Variants in CEP112 observed in about 807,000 individuals in gnomAD.
CEP112 encodes centrosomal protein of 112 kDa.
A neutral mutation model predicts 153.0 loss-of-function variants in CEP112; 127 were observed. That is an observed-to-expected ratio of 0.83 (90% CI 0.72 to 0.96). CEP112 has a LOEUF of 0.96. Ranked by LOEUF, CEP112 falls within the 40% of genes least tolerant of loss-of-function variation. The pLI, the probability that CEP112 is intolerant of heterozygous loss-of-function variation, is 0.00. For synonymous variants in CEP112, 358 were observed against 374.4 expected (o/e 0.96, Z 0.51); for missense variants, 1,089 against 1,101.2 (o/e 0.99, Z 0.16).
intron 4 of CEP112, among the ~76,000 whole-genome samples, chr17:66,170,576 C>G (rs779386744): frequency 4.6e-5 from 7 of 151,860 alleles, no homozygotes; most frequent in Non-Finnish European, 8.8e-5. Context: ...ACCAGCCTGG[C>G]CAACATGGTG....
chr17:66,062,984 T>C lies in CEP112; in HGVS notation c.1053A>G (p.Leu351=). The change falls in exon 11 of 27, where the codon CTA becomes CTG. Residue 351 remains leucine (L), a synonymous_variant. Transcript: ENST00000535342. ...TTACCTTTTTTTCCCAGTCATTATT[T>C]AGAGATTCCGTACTTTGTTCACATA... ...KKICEQSTES[L]NNDWEKKLHN... The C allele has an allele frequency of 6.3e-7, 1 of 1,580,060 alleles. No homozygotes were observed. The highest frequency in any genetic ancestry group is 8.6e-7 in the Non-Finnish European group (1 of 1,160,770).
chr17:65,638,044 T>C (rs1453802080), intron 25 of CEP112, among the ~76,000 whole-genome samples: 1 of 152,170 alleles, frequency 6.6e-6, no homozygotes. Context: ...TGATGCTTAA[T>C]CTGTGAAATG....
At chr17:66,026,173 T>G (rs1422274412) in intron 16 of CEP112, among the ~76,000 whole-genome samples, 1 of 152,074 alleles carries the variant, frequency 6.6e-6, no homozygotes, top group African/African-American at 2.4e-5. Flanking sequence ...AGAAATTACT[T>G]AATGGGTACA....
chr17:65,813,469 C>T (rs2056095770), intron 21 of CEP112, among the ~76,000 whole-genome samples: 1 of 152,168 alleles, frequency 6.6e-6, no homozygotes, highest in Admixed American at 6.5e-5. Flanking sequence ...CTATCTTTTG[C>T]TCATAGTGAC....
At chr17:65,815,366 T>G (rs924901755) in intron 21 of CEP112, among the ~76,000 whole-genome samples, 1 of 152,162 alleles carries the variant, frequency 6.6e-6, no homozygotes, top group African/African-American at 2.4e-5. Context: ...CTCTTTATTT[T>G]GTTCCACTGG....
intron 16 of CEP112, among the ~76,000 whole-genome samples, chr17:66,025,333 G>T (rs2145665612): frequency 6.6e-6 from 1 of 152,072 alleles, no homozygotes; most frequent in South Asian, 2.1e-4. Flanking sequence ...TCAATAGAGT[G>T]AAAAGACAAC....
rs1281590641 is a variant in CEP112 at position 65,937,602 on chromosome 17, G to A, written c.1873-9913C>T. Among the ~76,000 whole-genome samples the A allele has an allele frequency of 1.6e-4, 16 of 99,808 alleles. 2 individuals carry two copies. Among genetic ancestry groups the A allele is most frequent in the African/African-American group, 2.1e-4 (6 of 29,168 alleles). The allele number at this position is 99,808 out of a possible 152,430, so 65.5% of individuals were successfully genotyped here. ...AGCCCCCCACCCGGCCAGCCGCCCC[G>A]TCCGGGAGGGAGGTGGGGGGGTCAG... On this transcript the variant is annotated intron_variant, in intron 18 of 26. Coordinates refer to ENST00000535342, the MANE Select transcript of CEP112 (RefSeq NM_001199165.4).
intron 21 of CEP112, among the ~76,000 whole-genome samples, chr17:65,777,287 G>A (rs1365318540): frequency 6.6e-6 from 1 of 152,182 alleles, no homozygotes; most frequent in Non-Finnish European, 1.5e-5. Context: ...GCCAGACTGT[G>A]ACCTGAATGT....
chr17:65,638,557 C>T (rs1011287586), intron 25 of CEP112, among the ~76,000 whole-genome samples: 2 of 152,266 alleles, frequency 1.3e-5, no homozygotes, highest in African/African-American at 4.8e-5. Context: ...TTGTATAGCA[C>T]CCTGGTCTTC....
chr17:65,934,862 G>A (rs1490997092), intron 18 of CEP112, among the ~76,000 whole-genome samples: 1 of 152,198 alleles, frequency 6.6e-6, no homozygotes, highest in Admixed American at 6.5e-5. Context: ...TGGCTGCGGA[G>A]GCCTCAGGAA....
chr17:66,020,180 G>C (rs2064945921), intron 16 of CEP112, among the ~76,000 whole-genome samples: 1 of 152,140 alleles, frequency 6.6e-6, no homozygotes, highest in Non-Finnish European at 1.5e-5. Context: ...CCAGTGATCT[G>C]CCCAAAGAAT....
intron 11 of CEP112, among the ~76,000 whole-genome samples, chr17:66,059,232 A>G (rs1753232482): frequency 6.6e-6 from 1 of 152,184 alleles, no homozygotes; most frequent in African/African-American, 2.4e-5. Flanking sequence ...CATTCTAGAC[A>G]TTGACCGTGG....
intron 20 of CEP112, among the ~76,000 whole-genome samples, chr17:65,869,210 T>C (rs958146136): frequency 6.6e-6 from 1 of 152,238 alleles, no homozygotes; most frequent in Admixed American, 6.5e-5. Flanking sequence ...CCAAGAGCTA[T>C]TTAGAAATAC....
In CEP112 at chr17:65,750,700, C is replaced by T; in HGVS notation, c.2419G>A (p.Glu807Lys). ...GCAAGCTTCTGAGTGTATTCCTTCT[C>T]AATCTGCTTCAGCTTGCTGTTGGCC... ...EKANSKLKQI[E>K]KEYTQKLAKS... Residue 807 changes from glutamate to lysine, a missense_variant, in exon 22 of 27, where the codon GAG becomes AAG. Transcript: ENST00000535342. 1 of 1,614,022 alleles carries T rather than the reference C, an allele frequency of 6.2e-7. No homozygotes were observed. The highest frequency in any genetic ancestry group is 8.5e-7 in the Non-Finnish European group (1 of 1,179,970).
At chr17:65,690,425 C>CAAAA (rs67648497) in intron 23 of CEP112, among the ~76,000 whole-genome samples, 2,433 of 76,248 alleles carry the variant, frequency 0.032, 212 homozygotes, top group African/African-American at 0.09. Flanking sequence ...GACCCTGTCT[C>CAAAA]AAAAAAAAAA....
intron 6 of CEP112, among the ~76,000 whole-genome samples, chr17:66,117,660 G>A (rs2069363197): frequency 6.6e-6 from 1 of 152,104 alleles, no homozygotes; most frequent in East Asian, 1.9e-4. Context: ...AGCAAAAATG[G>A]ACAGATGGGG....
intron 21 of CEP112, among the ~76,000 whole-genome samples, chr17:65,777,849 T>C (rs1049944710): frequency 6.6e-5 from 10 of 152,232 alleles, no homozygotes; most frequent in Admixed American, 5.2e-4. Context: ...GAAGTTTGAA[T>C]GGCACTGTAC....
chr17:66,076,626 G>C (rs2067510716), intron 8 of CEP112, among the ~76,000 whole-genome samples: 1 of 152,104 alleles, frequency 6.6e-6, no homozygotes, highest in Non-Finnish European at 1.5e-5. Context: ...TATCCACACT[G>C]GTAGCTGAAG....
At chr17:65,848,207 C>G (rs527707928) in intron 21 of CEP112, among the ~76,000 whole-genome samples, 1 of 152,190 alleles carries the variant, frequency 6.6e-6, no homozygotes, top group East Asian at 1.9e-4. Context: ...CTTTTAACAT[C>G]GTATTTTCCC....
Sources: gnomAD v4.1 joint callset for allele counts (sites outside exome capture counted in the v4.1 genomes callset) on GRCh38, gnomAD v4.1.1 for gene constraint, MANE v1.5 for transcripts, NCBI Gene and HGNC (gene_info 2026-07-23, HGNC 2026-07-21) for gene names.